The following NWD1 variants were observed in gnomAD, a reference collection of about 807,000 sequenced individuals.
NWD1 encodes the protein NACHT and WD repeat domain containing 1, also known as NACHT domain- and WD repeat-containing protein 1.
Under a neutral mutation model 135.1 loss-of-function variants are expected in NWD1, and 129 were observed. That is an observed-to-expected ratio of 0.96 (90% CI 0.83 to 1.11). The LOEUF (loss-of-function observed/expected upper bound fraction) is 1.11. NWD1 is among the 50% of genes least tolerant of loss of function. NWD1 has a pLI of 0.00. For missense variants in NWD1, 1,740 were observed against 1,851.3 expected (o/e 0.94, Z 1.10); for synonymous variants, 773 against 786.0 (o/e 0.98, Z 0.28).
rs1396999133 is a variant in NWD1, at chr19:16,810,454, A to AG, written c.4287+2318_4287+2319insG. Among the ~76,000 whole-genome samples, 539 of 149,950 alleles carry AG rather than the reference A, an allele frequency of 3.6e-3. 3 individuals carry two copies. Among genetic ancestry groups the AG allele is most frequent in the African/African-American group, 0.012 (467 of 40,454 alleles). On this transcript the variant is annotated intron_variant, in intron 18 of 18. Coordinates refer to ENST00000524140, the MANE Select transcript of NWD1 (RefSeq NM_001007525.5). ...CTCCATCTCAAAAAAAAAAAAAAAA[A>AG]AAAGAAAGAAAAAGAAGGCCTTGTA...
rs556816698 is a variant in NWD1, at chr19:16,759,335, C to T, written c.1880C>T (p.Pro627Leu). 2 of 1,613,908 alleles carry T rather than the reference C, an allele frequency of 1.2e-6. No individual in the cohort carries two copies. Among genetic ancestry groups the T allele is most frequent in the Non-Finnish European group, 8.5e-7 (1 of 1,179,932 alleles). ...CCCAGCAAGGAGCTGCTGCGCTTCC[C>T]GCCCCTGCTGTGGGTGCGGCTTCGT... ...TPPSKELLRFPPLLWVRLRRD... is the reference protein window; with the variant it reads ...TPPSKELLRFLPLLWVRLRRD... Residue 627 changes from proline (P) to leucine (L), a missense_variant, in exon 7 of 19, where the codon CCG becomes CTG. By Grantham distance (98) the Pro-to-Leu change is moderately conservative. Transcript: ENST00000524140.
intron 11 of NWD1, among the ~76,000 whole-genome samples, chr19:16,778,669 T>C (rs998488971): frequency 6.6e-6 from 1 of 151,898 alleles, no homozygotes; most frequent in African/African-American, 2.4e-5. Flanking sequence ...TCACTATGCC[T>C]GGCTAATTTT....
intron 12 of NWD1, among the ~76,000 whole-genome samples, chr19:16,782,664 G>A (rs1226566114): frequency 6.6e-6 from 1 of 151,936 alleles, no homozygotes; most frequent in Admixed American, 6.6e-5. Context: ...CATATCTGTG[G>A]GTTTTGCATC....
rs571404302 is a variant in NWD1, at chr19:16,783,950, G to A, written c.2731+4485G>A. ...GGAGTGGCCGGGCACAGTGGATCAC[G>A]TCTGTAATCCCAACACTTCGGGAGG... is the stretch of plus-strand genomic sequence containing the variant. On this transcript the variant is annotated intron_variant, in intron 12 of 18. Transcript: ENST00000524140. 3.9e-5 allele frequency among the ~76,000 whole-genome samples: 6 copies of A among 152,150 alleles called. 1 individual carries two copies. Among genetic ancestry groups the A allele is most frequent in the African/African-American group, 1.2e-4 (5 of 41,536 alleles).
At chr19:16,809,174 C>T (rs1040937635) in intron 18 of NWD1, among the ~76,000 whole-genome samples, 3 of 151,738 alleles carry the variant, frequency 2.0e-5, no homozygotes, top group Non-Finnish European at 4.4e-5. Flanking sequence ...ACTGCAGCCT[C>T]CCGGGTTCAA....
intron 4 of NWD1, among the ~76,000 whole-genome samples, chr19:16,738,782 A>ATATTATATATATATAATATAATG (rs1157077255): frequency 1.6e-5 from 1 of 63,430 alleles, no homozygotes; most frequent in African/African-American, 5.0e-5. Context: ...TATAATATAT[A>ATATTATATATATATAATATAATG]ATATATAATA....
At chr19:16,774,564 C>T (rs938525145) in intron 11 of NWD1, among the ~76,000 whole-genome samples, 10 of 151,726 alleles carry the variant, frequency 6.6e-5, no homozygotes, top group Non-Finnish European at 7.4e-5. Context: ...CGTTATTCAT[C>T]GATTCATCAA....
chr19:16,796,709 C>T (rs979500359), intron 15 of NWD1, among the ~76,000 whole-genome samples: 9 of 151,770 alleles, frequency 5.9e-5, no homozygotes, highest in Admixed American at 2.0e-4. Context: ...TTCTTCCTCT[C>T]TACCTCCTTG....
At chr19:16,777,783 G>A (rs1324909040) in intron 11 of NWD1, among the ~76,000 whole-genome samples, 2 of 74,876 alleles carry the variant, frequency 2.7e-5, no homozygotes, top group Admixed American at 1.3e-4. Context: ...GGAGGGAAGG[G>A]GAAGGGAAAG....
At chr19:16,814,844 G>C (rs1483791124) in intron 18 of NWD1, among the ~76,000 whole-genome samples, 184 bp from the exon 19 acceptor site, 1 of 152,174 alleles carries the variant, frequency 6.6e-6, no homozygotes, top group African/African-American at 2.4e-5. Context: ...AGCAGGTGTA[G>C]GTTCTGTTAT....
At chr19:16,725,205 G>A (rs997703144) in intron 2 of NWD1, among the ~76,000 whole-genome samples, 8 of 150,510 alleles carry the variant, frequency 5.3e-5, no homozygotes, top group African/African-American at 2.0e-4. Flanking sequence ...GTAGAAGCAA[G>A]GTTGGCCAGG....
intron 12 of NWD1, among the ~76,000 whole-genome samples, chr19:16,784,427 T>C (rs1353264917): frequency 6.6e-6 from 1 of 152,006 alleles, no homozygotes; most frequent in Non-Finnish European, 1.5e-5. Flanking sequence ...ATATAGGCTA[T>C]ATGCAAATAC....
rs1375347206 is a variant in NWD1 at position 16,791,515 on chromosome 19, G to A, written c.3106G>A (p.Gly1036Arg). 4 of 1,613,968 alleles carry A rather than the reference G, an allele frequency of 2.5e-6. No individual in the cohort carries two copies. Among genetic ancestry groups the A allele is most frequent in the Non-Finnish European group, 3.4e-6 (4 of 1,180,038 alleles). The stretch of plus-strand genomic sequence containing the variant: ...GAGCTCAGCTACGGGAAAACTTCAG[G>A]GGAAGCAACATATGTCCAGCATCAA... ...LWSSATGKLQ[G>R]KQHMSSIKEE... Residue 1036 changes from glycine (G) to arginine (R), a missense_variant, in exon 14 of 19, where the codon GGG becomes AGG. Gly to Arg is a moderately radical substitution (Grantham distance 125, BLOSUM62 -2). Coordinates refer to ENST00000524140, the MANE Select transcript of NWD1 (RefSeq NM_001007525.5).
chr19:16,727,191 C>A (rs892803473), intron 2 of NWD1: 1 of 152,230 alleles, frequency 6.6e-6, no homozygotes. Context: ...CAATGCCCAG[C>A]ACTGGGAAAC....
intron 13 of NWD1, among the ~76,000 whole-genome samples, chr19:16,790,656 A>AATAAATAT (rs1970214740): frequency 8.3e-6 from 1 of 120,490 alleles, no homozygotes; most frequent in Non-Finnish European, 1.6e-5. Flanking sequence ...TAAATAAATA[A>AATAAATAT]ATAAATAAAT....
intron 3 of NWD1, among the ~76,000 whole-genome samples, chr19:16,735,522 A>G (rs1407025806): frequency 6.7e-6 from 1 of 149,728 alleles, no homozygotes; most frequent in East Asian, 2.1e-4. Context: ...CAAAAAAAAA[A>G]AGAAAGAAAG....
intron 17 of NWD1, among the ~76,000 whole-genome samples, chr19:16,801,994 T>C (rs1036297425): frequency 6.6e-6 from 1 of 151,090 alleles, no homozygotes; most frequent in Admixed American, 6.6e-5. Context: ...GCAATAAAAA[T>C]AAAAATAATG....
intron 6 of NWD1, among the ~76,000 whole-genome samples, chr19:16,756,413 G>T (rs1968799552): frequency 6.6e-6 from 1 of 152,164 alleles, no homozygotes; most frequent in African/African-American, 2.4e-5. Flanking sequence ...CTGTCTCAGA[G>T]ACAGCACAGG....
intron 10 of NWD1, among the ~76,000 whole-genome samples, chr19:16,767,775 A>G (rs1969278251): frequency 6.6e-6 from 1 of 152,076 alleles, no homozygotes; most frequent in Non-Finnish European, 1.5e-5. Context: ...GTAGGGACAC[A>G]GAGCCAACCC....
Sources: allele counts gnomAD v4.1 joint callset (sites outside exome capture counted in the v4.1 genomes callset), GRCh38; gene constraint gnomAD v4.1.1; transcripts MANE v1.5; gene names NCBI Gene and HGNC (gene_info 2026-07-23, HGNC 2026-07-21).